Variants in RRP12 observed in about 807,000 individuals in gnomAD.
RRP12 encodes RRP12-like protein.
In RRP12, 78 loss-of-function variants were observed where a neutral mutation model predicts 157.3. The observed-to-expected ratio is 0.50, with a 90% confidence interval of 0.41 to 0.60. The LOEUF (loss-of-function observed/expected upper bound fraction) is 0.60, where lower values mean the gene tolerates loss of function less well. Among genes scored for constraint, RRP12 ranks in the 20% least tolerant of loss-of-function variants. The pLI is 0.00. For synonymous variants in RRP12, 726 were observed against 670.9 expected, an observed-to-expected ratio of 1.08 and a Z score of -1.27; for missense variants, 1,521 against 1,679.9, an observed-to-expected ratio of 0.91 and a Z score of 1.65.
chr10:97,358,070 C>T (rs922920662), intron 33 of RRP12, among the ~76,000 whole-genome samples: 4 of 151,890 alleles, frequency 2.6e-5, no homozygotes, highest in Non-Finnish European at 4.4e-5. Flanking sequence ...CACGGTGGCT[C>T]GTGCTTGTGA....
At chr10:97,383,025 G>A (rs1844513765) in intron 10 of RRP12, among the ~76,000 whole-genome samples, 1 of 152,166 alleles carries the variant, frequency 6.6e-6, no homozygotes, top group African/African-American at 2.4e-5. Context: ...GTCTCCTAAA[G>A]TGCTGGGATT....
chr10:97,360,690 C>T (rs1290773489), intron 30 of RRP12, 72 bp from the exon 31 acceptor site: 20 of 1,097,272 alleles, frequency 1.8e-5, no homozygotes, highest in South Asian at 8.7e-5. Flanking sequence ...CCAACAGTAA[C>T]AGCAGAGTAC....
chr10:97,367,368 T>G, intron 25 of RRP12: 1 of 579,074 alleles, frequency 1.7e-6, no homozygotes, highest in South Asian at 2.0e-5. Flanking sequence ...GGATGAGAGC[T>G]TTAGTCTTCT....
chr10:97,369,495 G>A lies in RRP12; in HGVS notation c.2885C>T (p.Ala962Val), dbSNP rs1230562918. ...CACTGCCACCTTGATGAAGCCCAGTGCAGACTTGACCACGTCACGGGTGCG... is the reference window on the plus strand; with the variant it reads ...CACTGCCACCTTGATGAAGCCCAGTACAGACTTGACCACGTCACGGGTGCG... ...ASRTRDVVKS[A>V]LGFIKVAVTV... Residue 962 changes from alanine (A) to valine (V), a missense_variant, in exon 25 of 34, where the codon GCA becomes GTA. Transcript: ENST00000370992. The A allele has an allele frequency of 1.9e-6, 3 of 1,609,796 alleles. No individual in the cohort carries two copies. The highest frequency in any genetic ancestry group is 2.5e-6 in the Non-Finnish European group (3 of 1,178,218).
At chr10:97,389,118 CAG>C (rs1026734092) in intron 6 of RRP12, among the ~76,000 whole-genome samples, 1 of 152,068 alleles carries the variant, frequency 6.6e-6, no homozygotes, top group Non-Finnish European at 1.5e-5. Context: ...TTGTTTGAGA[CAG>C]AGTCTTGCTC....
At position 97,366,565 on chromosome 10, in the gene RRP12, C is replaced by A. The variant is rs1480453748; in HGVS notation, c.3272G>T (p.Arg1091Ile). ...CTTCCGCTGCTCCTTGCCTCGGCTT[C>A]TTTCCTCCTCCTCATTGTCCTCCTC... ...EDEEDNEEEE[R>I]SRGKEQRKLA... Residue 1091 changes from arginine (R) to isoleucine (I), a missense_variant, in exon 28 of 34, where the codon AGA becomes ATA. Physicochemically the swap from Arg to Ile is moderately conservative, Grantham distance 97. Coordinates refer to ENST00000370992, the MANE Select transcript of RRP12 (RefSeq NM_015179.4). 1.2e-6 allele frequency: 2 copies of A among 1,614,152 alleles called. No homozygotes were observed. Among genetic ancestry groups the A allele is most frequent in the Middle Eastern group, 1.6e-4 (1 of 6,062 alleles).
chr10:97,392,286 G>A (rs1047075816), intron 4 of RRP12, among the ~76,000 whole-genome samples: 2 of 151,068 alleles, frequency 1.3e-5, no homozygotes, highest in Non-Finnish European at 3.0e-5. Flanking sequence ...TACTCACATT[G>A]TTGTGCAACC....
In RRP12 at chr10:97,385,948, C is replaced by A. The variant is rs765680667; in HGVS notation, c.1063G>T (p.Ala355Ser). 8.1e-6 allele frequency: 13 copies of A among 1,606,382 alleles called. No homozygotes were observed. The highest frequency in any genetic ancestry group is 4.5e-5 in the East Asian group (2 of 44,686). ...GACAGGGTGCTCAGGCCAGGCCTGGCGTGGAAGAGGCTGTGAAAGGCCTGC... is the reference window on the plus strand; with the variant it reads ...GACAGGGTGCTCAGGCCAGGCCTGGAGTGGAAGAGGCTGTGAAAGGCCTGC... ...AMQAFHSLFH[A>S]RPGLSTLSAE... is the part of the protein sequence containing the mutation. Residue 355 changes from alanine to serine, a missense_variant, in exon 9 of 34, where the codon GCC becomes TCC. Ala to Ser is a moderately conservative substitution (Grantham distance 99, BLOSUM62 1). Coordinates refer to ENST00000370992, the MANE Select transcript of RRP12 (RefSeq NM_015179.4).
rs148537105 is a variant in RRP12, at chr10:97,366,800, C to T, written c.3157G>A (p.Val1053Met). The T allele has an allele frequency of 3.2e-5, 51 of 1,614,224 alleles. 1 individual carries two copies. In the African/African-American group the frequency reaches 3.6e-4, roughly 11 times the overall value. ...KRHRALSQAA[V>M]EEEEEEEEEE... is the part of the protein sequence containing the mutation. ...TCCTCCTCCTCTTCTTCCTCCTCCA[C>T]GGCAGCCTGGCTCAGGGCTCGGTGC... The change falls in exon 27 of 34, where the codon GTG (valine) becomes ATG (methionine). Residue 1053 changes from valine to methionine, a missense_variant. By Grantham distance (21) the Val-to-Met change is conservative. Coordinates refer to ENST00000370992, the MANE Select transcript of RRP12 (RefSeq NM_015179.4).
At chr10:97,380,546 CT>C (rs1487899052) in intron 13 of RRP12, among the ~76,000 whole-genome samples, 10 of 152,174 alleles carry the variant, frequency 6.6e-5, no homozygotes, top group African/African-American at 2.4e-4. Flanking sequence ...AGCAAATAGA[CT>C]CCCTAAGTTT....
At position 97,388,573 on chromosome 10, in the gene RRP12, A is replaced by C; in HGVS notation, c.805T>G (p.Phe269Val). ...GVCSVLKGSE[F>V]MFEKAPAHHP... ...TGGGCAGGGGCCTTTTCAAACATGA[A>C]TTCACTGCCCTTGAGGACTGAGCAT... Residue 269 changes from phenylalanine (F) to valine (V), a missense_variant, in exon 7 of 34, where the codon TTC becomes GTC. By Grantham distance (50) the Phe-to-Val change is conservative. Coordinates refer to ENST00000370992, the MANE Select transcript of RRP12 (RefSeq NM_015179.4). The C allele has an allele frequency of 6.2e-7, 1 of 1,614,170 alleles. No homozygotes were observed. Among genetic ancestry groups the C allele is most frequent in the Non-Finnish European group, 8.5e-7 (1 of 1,180,020 alleles).
intron 30 of RRP12, among the ~76,000 whole-genome samples, chr10:97,361,981 C>T (rs1049543188): frequency 1.3e-5 from 2 of 151,990 alleles, no homozygotes; most frequent in Admixed American, 1.3e-4. Flanking sequence ...GTAGCATGCA[C>T]CTGTAATCCC....
intron 15 of RRP12, among the ~76,000 whole-genome samples, chr10:97,374,789 A>AAC (rs1382914113): frequency 1.3e-5 from 2 of 150,928 alleles, no homozygotes; most frequent in African/African-American, 4.9e-5. Flanking sequence ...AAAAAAAAAA[A>AAC]CCATAGGGAG....
In RRP12 at chr10:97,378,156, G is replaced by A. The variant is rs928161996; in HGVS notation, c.1798+1137C>T. On this transcript the variant is annotated intron_variant, in intron 15 of 33. Transcript: ENST00000370992. ...TGAAAGGAGAGGGGCAGGGGACTGG[G>A]GATGTGCAGCCTGAAGAAAGAACAC... 4.9e-4 allele frequency among the ~76,000 whole-genome samples: 74 copies of A among 152,156 alleles called. 2 individuals are homozygous for A. Among genetic ancestry groups the A allele is most frequent in the Non-Finnish European group, 1.2e-4 (8 of 68,028 alleles).
chr10:97,400,275 T>C, intron 2 of RRP12, 30 bp downstream of exon 2: 1 of 1,559,772 alleles, frequency 6.4e-7, no homozygotes, highest in African/African-American at 1.4e-5. Flanking sequence ...CTCCTCACTA[T>C]CCTATGGCCC....
At chr10:97,363,335 CA>C (rs1379401398) in intron 30 of RRP12, among the ~76,000 whole-genome samples, 1 of 152,218 alleles carries the variant, frequency 6.6e-6, no homozygotes, top group African/African-American at 2.4e-5. Context: ...GCCAGGTCAA[CA>C]GGGGTAATGG....
intron 8 of RRP12, 46 bp from the exon 9 acceptor site, chr10:97,386,039 G>A: frequency 7.4e-7 from 1 of 1,348,472 alleles, no homozygotes; most frequent in Non-Finnish European, 1.0e-6. Context: ...AAAGCCCACG[G>A]CTGGCCCTGG....
intron 29 of RRP12, chr10:97,365,816 G>GGGAGGAGGA (rs1171219918): frequency 3.0e-6 from 1 of 330,012 alleles, no homozygotes; most frequent in Admixed American, 5.2e-5. Flanking sequence ...GAAGAGGAGG[G>GGGAGGAGGA]GGAGGAGGAG....
chr10:97,398,529 T>C (rs1204702840), intron 2 of RRP12, among the ~76,000 whole-genome samples: 3 of 151,164 alleles, frequency 2.0e-5, no homozygotes, highest in South Asian at 2.1e-4. Flanking sequence ...AATTTTTTAG[T>C]AGAGATGGGT....
Sources: allele counts gnomAD v4.1 joint callset (sites outside exome capture counted in the v4.1 genomes callset), GRCh38; gene constraint gnomAD v4.1.1; transcripts MANE v1.5; gene names NCBI Gene and HGNC (gene_info 2026-07-23, HGNC 2026-07-21).